Variants in SLC44A5 observed in about 807,000 individuals in gnomAD.
SLC44A5 encodes the protein solute carrier family 44 member 5, also known as choline transporter-like protein 5.
In SLC44A5, 57 loss-of-function variants were observed where a neutral mutation model predicts 101.8. That is an observed-to-expected ratio of 0.56 (90% CI 0.45 to 0.70). The LOEUF is 0.70. SLC44A5 is among the 30% of genes least tolerant of loss of function. The pLI, the probability that SLC44A5 is intolerant of heterozygous loss-of-function variation, is 0.00. For missense variants in SLC44A5, 737 were observed against 853.1 expected (o/e 0.86, Z 1.70); for synonymous variants, 281 against 290.9 (o/e 0.97, Z 0.35).
At chr1:75,338,325 T>A (rs958373261) in intron 4 of SLC44A5, among the ~76,000 whole-genome samples, 1 of 151,502 alleles carries the variant, frequency 6.6e-6, no homozygotes, top group Non-Finnish European at 1.5e-5. Flanking sequence ...ATCTCACCTC[T>A]TTTACTACAC....
chr1:75,421,705 C>T (rs558060480), intron 2 of SLC44A5, among the ~76,000 whole-genome samples: 2 of 151,984 alleles, frequency 1.3e-5, no homozygotes, highest in African/African-American at 2.4e-5. Flanking sequence ...ATGTCACTAG[C>T]TCATTGCTGC....
chr1:75,299,744 C>G (rs2100858106), intron 5 of SLC44A5, among the ~76,000 whole-genome samples: 1 of 152,108 alleles, frequency 6.6e-6, no homozygotes, highest in East Asian at 1.9e-4. Context: ...GGCACAGTAG[C>G]TCATGCCTGT....
chr1:75,238,740 G>T, intron 9 of SLC44A5, 104 bp from the exon 10 acceptor site: 1 of 753,830 alleles, frequency 1.3e-6, no homozygotes, highest in Non-Finnish European at 1.9e-6. Flanking sequence ...ATTCTTGCTA[G>T]GCATGCAAAT....
chr1:75,622,445 C>T, the SLC44A5 span, among the ~76,000 whole-genome samples: 44,612 of 151,862 alleles, frequency 0.29, 7,522 homozygotes, highest in East Asian at 0.82. Context: ...TAGGGCACTT[C>T]TTTGTACTCA....
intron 1 of SLC44A5, among the ~76,000 whole-genome samples, chr1:75,567,032 C>T (rs769900382): frequency 8.5e-5 from 13 of 152,160 alleles, no homozygotes; most frequent in Non-Finnish European, 1.5e-4. Context: ...TTTTCCTAAT[C>T]CAGTAGTGGA....
At chr1:75,544,405 G>T (rs1017893859) in intron 1 of SLC44A5, among the ~76,000 whole-genome samples, 1 of 152,144 alleles carries the variant, frequency 6.6e-6, no homozygotes, top group Non-Finnish European at 1.5e-5. Flanking sequence ...AACAGACTAA[G>T]ACAGAAGAAT....
rs372570452 is a variant in SLC44A5 at position 75,581,128 on chromosome 1, T to C, written c.-70+29912A>G. Among the ~76,000 whole-genome samples the C allele has an allele frequency of 2.0e-5, 3 of 152,358 alleles. No homozygotes were observed. In the South Asian group the frequency reaches 6.2e-4, roughly 32 times the overall value. On this transcript the variant is annotated intron_variant, in intron 1 of 23. Coordinates refer to ENST00000370859, the MANE Select transcript of SLC44A5 (RefSeq NM_001130058.2). ...GGCAGACAAGCCAGACCCTGAAGGC[T>C]GATGAAAATAGCCAAATTCAACATA... is the stretch of plus-strand genomic sequence containing the variant.
the SLC44A5 span, among the ~76,000 whole-genome samples, chr1:75,700,181 A>G: frequency 6.6e-6 from 1 of 152,026 alleles, no homozygotes; most frequent in African/African-American, 2.4e-5. Flanking sequence ...AGAAATCTCC[A>G]CCCCGAATCA....
the SLC44A5 span, among the ~76,000 whole-genome samples, chr1:75,639,708 G>T: frequency 6.6e-6 from 1 of 152,100 alleles, no homozygotes; most frequent in Non-Finnish European, 1.5e-5. Context: ...AGTTGCAGTT[G>T]AATTAATGTT....
At chr1:75,626,018 A>C in the SLC44A5 span, among the ~76,000 whole-genome samples, 1 of 152,278 alleles carries the variant, frequency 6.6e-6, no homozygotes, top group East Asian at 1.9e-4. Flanking sequence ...GTTGTGGGGA[A>C]GAACATCTGA....
At chr1:75,480,431 G>A (rs1257937196) in intron 2 of SLC44A5, among the ~76,000 whole-genome samples, 4 of 152,096 alleles carry the variant, frequency 2.6e-5, no homozygotes, top group Non-Finnish European at 4.4e-5. Context: ...GGAAATAAAG[G>A]GTATTCGATT....
intron 20 of SLC44A5, among the ~76,000 whole-genome samples, chr1:75,214,373 T>C (rs541282359): frequency 7.0e-4 from 106 of 151,864 alleles, no homozygotes; most frequent in African/African-American, 2.5e-3. Flanking sequence ...GAGGGGATAA[T>C]AAAAATGAAA....
chr1:75,626,733 C>T, the SLC44A5 span, among the ~76,000 whole-genome samples: 1 of 152,056 alleles, frequency 6.6e-6, no homozygotes, highest in Non-Finnish European at 1.5e-5. Flanking sequence ...ATTTCTTCTC[C>T]TTGAAACTTA....
the SLC44A5 span, among the ~76,000 whole-genome samples, chr1:75,682,649 A>C: frequency 1.3e-5 from 2 of 151,896 alleles, no homozygotes; most frequent in Non-Finnish European, 2.9e-5. Context: ...AACCATAAAA[A>C]CCCTAGAAGA....
chr1:75,507,298 G>T (rs1358511410), intron 2 of SLC44A5, among the ~76,000 whole-genome samples: 1 of 152,082 alleles, frequency 6.6e-6, no homozygotes, highest in Non-Finnish European at 1.5e-5. Context: ...TGCATCTATT[G>T]AGATGATTGT....
At chr1:75,504,948 A>C (rs1208201865) in intron 2 of SLC44A5, among the ~76,000 whole-genome samples, 1 of 152,138 alleles carries the variant, frequency 6.6e-6, no homozygotes, top group Non-Finnish European at 1.5e-5. Context: ...CATCATCCAA[A>C]TAGTGAGCAC....
intron 6 of SLC44A5, among the ~76,000 whole-genome samples, chr1:75,262,064 C>T (rs1650561598): frequency 6.6e-6 from 1 of 151,498 alleles, no homozygotes; most frequent in African/African-American, 2.4e-5. Context: ...GGAAACAATC[C>T]CTTTGAAAAC....
intron 5 of SLC44A5, among the ~76,000 whole-genome samples, chr1:75,296,190 G>T (rs1205307634): frequency 6.6e-6 from 1 of 151,894 alleles, no homozygotes; most frequent in Non-Finnish European, 1.5e-5. Flanking sequence ...GCATGTCAAG[G>T]CTCTTTACTG....
At chr1:75,505,379 G>A (rs1669194709) in intron 2 of SLC44A5, among the ~76,000 whole-genome samples, 1 of 152,120 alleles carries the variant, frequency 6.6e-6, no homozygotes, top group Non-Finnish European at 1.5e-5. Flanking sequence ...ATACTAATGG[G>A]ATAGCTGGAA....
Sources: allele counts gnomAD v4.1 joint callset (sites outside exome capture counted in the v4.1 genomes callset), GRCh38; gene constraint gnomAD v4.1.1; transcripts MANE v1.5; gene names NCBI Gene and HGNC (gene_info 2026-07-23, HGNC 2026-07-21).